The following SMG1 variants were observed in gnomAD, a reference collection of about 807,000 sequenced individuals.
SMG1 encodes serine/threonine-protein kinase SMG1.
In SMG1, 22 loss-of-function variants were observed where a neutral mutation model predicts 419.9. The observed-to-expected ratio is 0.05, with a 90% CI of 0.04 to 0.07. The LOEUF is 0.07. Ranked by LOEUF, SMG1 falls within the 10% of genes least tolerant of loss-of-function variation. The pLI is 1.00. For synonymous variants in SMG1, 1,538 were observed against 1,553.5 expected (o/e 0.99, Z 0.23); for missense variants, 3,185 against 4,342.0 (o/e 0.73, Z 7.49).
chr16:18,812,577 C>CACATATATAT (rs1437030770), intron 60 of SMG1, among the ~76,000 whole-genome samples: 1 of 150,364 alleles, frequency 6.7e-6, no homozygotes, highest in African/African-American at 2.5e-5. Context: ...TATATACACA[C>CACATATATAT]ACATATATAT....
At chr16:18,908,209 T>C (rs1200976140) in intron 1 of SMG1, among the ~76,000 whole-genome samples, 1 of 151,108 alleles carries the variant, frequency 6.6e-6, no homozygotes. Context: ...CTACTAAAAA[T>C]ACAAAAAAAT....
chr16:18,926,000 G>C lies in SMG1; in HGVS notation c.42C>G (p.Gly14=). ...RAPGSRLSSG[G]GGGGTKYPRS... ...GCGGATACTTGGTGCCGCCGCCGCCGCCGCCGCTGCTCAGCCGAGACCCCG... is the reference window on the plus strand; with the variant it reads ...GCGGATACTTGGTGCCGCCGCCGCCCCCGCCGCTGCTCAGCCGAGACCCCG... The change falls in exon 1 of 63, where the codon GGC becomes GGG. Residue 14 remains glycine (G), a synonymous_variant. Transcript: ENST00000446231. The C allele has an allele frequency of 1.3e-6, 2 of 1,579,674 alleles. No homozygotes were observed. The highest frequency in any genetic ancestry group is 1.7e-6 in the Non-Finnish European group (2 of 1,169,808).
At chr16:18,876,595 T>C (rs1216542079) in intron 12 of SMG1, among the ~76,000 whole-genome samples, 2 of 151,784 alleles carry the variant, frequency 1.3e-5, no homozygotes, top group Non-Finnish European at 2.9e-5. Flanking sequence ...ATTTCAAGTC[T>C]ATAAAGTTTT....
chr16:18,870,658 T>G lies in SMG1; in HGVS notation c.2444A>C (p.Gln815Pro). Residue 815 changes from glutamine to proline, a missense_variant, in exon 18 of 63, where the codon CAA becomes CCA. Physicochemically the swap from Gln to Pro is moderately conservative, Grantham distance 76. This residue lies in a region of SMG1 where 297 missense variants were observed against 491.0 expected (regional missense o/e 0.60). Transcript: ENST00000446231. ...QLVHSGTRIR[Q>P]AFGKLLKSIP... ...TGATTTCAACAGTTTTCCAAATGCTTGTCGAATACGAGTTCCACTGTGCAC... is the reference window on the plus strand; with the variant it reads ...TGATTTCAACAGTTTTCCAAATGCTGGTCGAATACGAGTTCCACTGTGCAC... The G allele has an allele frequency of 6.2e-7, 1 of 1,608,278 alleles. No homozygotes were observed. Among genetic ancestry groups the G allele is most frequent in the South Asian group, 1.1e-5 (1 of 90,222 alleles).
rs1045180806 is a variant in SMG1 at position 18,809,245 on chromosome 16, G to A, written c.*324C>T. 5 of 291,098 alleles carry A rather than the reference G, an allele frequency of 1.7e-5. No homozygotes were observed. The highest frequency in any genetic ancestry group is 3.4e-5 in the Non-Finnish European group (5 of 147,928). The allele number at this position is 291,098 out of a possible 1,614,324, so 18.0% of individuals were successfully genotyped here. On this transcript the variant is annotated 3_prime_UTR_variant, in exon 63 of 63. Coordinates refer to ENST00000446231, the MANE Select transcript of SMG1 (RefSeq NM_015092.5). Reference sequence around the variant, plus strand: ...AGTTCCAAATCACTCTGTGCTCCGCGGCATCCCGATTTCTTTCCGCAGCTA... The same window carrying A: ...AGTTCCAAATCACTCTGTGCTCCGCAGCATCCCGATTTCTTTCCGCAGCTA...
At position 18,841,397 on chromosome 16, in the gene SMG1, CAAAAAAA is replaced by C. The variant is rs149043036; in HGVS notation, c.6696+161_6696+167del. 3.8e-5 allele frequency among the ~76,000 whole-genome samples: 4 copies of C among 105,356 alleles called. No individual in the cohort carries two copies. In the East Asian group the frequency reaches 1.3e-3, roughly 35 times the overall value. The allele number at this position is 105,356 out of a possible 152,430, so 69.1% of individuals were successfully genotyped here. A position where few individuals can be genotyped will look rare whatever the true frequency, so the allele number is the denominator to read the frequency against. On this transcript the variant is annotated intron_variant, in intron 41 of 62. Transcript: ENST00000446231. ...TGGGCGACAGAGCAAGACTGTGTCT[CAAAAAAA>C]AAAAAAAAAAAAAAGTACCTCAAAA...
At chr16:18,873,761 T>C (rs1372241429) in intron 13 of SMG1, among the ~76,000 whole-genome samples, 1 of 152,200 alleles carries the variant, frequency 6.6e-6, no homozygotes, top group Non-Finnish European at 1.5e-5. Flanking sequence ...CAAGGTGCCC[T>C]GTTCAATAAG....
chr16:18,870,870 T>C lies in SMG1; in HGVS notation c.2321A>G (p.Asn774Ser), dbSNP rs747916690. The C allele has an allele frequency of 8.9e-6, 14 of 1,567,688 alleles. No homozygotes were observed. Among genetic ancestry groups the C allele is most frequent in the Admixed American group, 7.4e-5 (4 of 54,246 alleles). The change falls in exon 17 of 63, where the codon AAT becomes AGT. Residue 774 changes from asparagine (N) to serine (S), a missense_variant. Coordinates refer to ENST00000446231, the MANE Select transcript of SMG1 (RefSeq NM_015092.5). ...ACTGCTGCATGCCTGCAGACAGATATTCACATCTTCAACGAGAGCTATTAA... is the reference window on the plus strand; with the variant it reads ...ACTGCTGCATGCCTGCAGACAGATACTCACATCTTCAACGAGAGCTATTAA... ...LLANTLVEDV[N>S]ICLQACSSLH...
At chr16:18,912,296 C>T (rs573531958) in intron 1 of SMG1, among the ~76,000 whole-genome samples, 243 of 150,700 alleles carry the variant, frequency 1.6e-3, no homozygotes, top group African/African-American at 5.7e-3. Context: ...TATTTATTTG[C>T]AAAGAGAAGA....
intron 1 of SMG1, among the ~76,000 whole-genome samples, chr16:18,913,606 T>A (rs1439575034): frequency 6.6e-6 from 1 of 152,054 alleles, no homozygotes; most frequent in Admixed American, 6.6e-5. Context: ...AGGCTATTAA[T>A]ATATTAGATG....
At chr16:18,914,945 T>C (rs879388971) in intron 1 of SMG1, among the ~76,000 whole-genome samples, 255 of 150,872 alleles carry the variant, frequency 1.7e-3, no homozygotes, top group Middle Eastern at 0.01. Flanking sequence ...TACCATATTT[T>C]TTTTTTTTTT....
At chr16:18,812,897 C>A (rs2031606288) in intron 60 of SMG1, among the ~76,000 whole-genome samples, 1 of 152,112 alleles carries the variant, frequency 6.6e-6, no homozygotes, top group East Asian at 1.9e-4. Context: ...TCAATTCCCA[C>A]CTATGAGTGA....
chr16:18,907,961 G>A (rs909076509), intron 1 of SMG1, among the ~76,000 whole-genome samples: 1 of 151,738 alleles, frequency 6.6e-6, no homozygotes, highest in African/African-American at 2.4e-5. Context: ...ATTTGGCCTG[G>A]GAAATTGCCA....
At chr16:18,906,938 C>T (rs1486014596) in intron 1 of SMG1, among the ~76,000 whole-genome samples, 1 of 152,238 alleles carries the variant, frequency 6.6e-6, no homozygotes, top group Non-Finnish European at 1.5e-5. Context: ...CAGTTTTGCC[C>T]TGCACACAGG....
In SMG1 at chr16:18,854,769, G is replaced by A. The variant is rs1169169614; in HGVS notation, c.4370C>T (p.Thr1457Ile). ...ATGTTGGACTAAATCCTGTGCAGTGGTGGTCTTTCCCAGCTGAACTTCACT... is the reference window on the plus strand; with the variant it reads ...ATGTTGGACTAAATCCTGTGCAGTGATGGTCTTTCCCAGCTGAACTTCACT... ...QCSEVQLGKTTTAQDLVQHFK... is the reference protein window; with the variant it reads ...QCSEVQLGKTITAQDLVQHFK... Residue 1457 changes from threonine to isoleucine, a missense_variant, in exon 30 of 63, where the codon ACC becomes ATC. Thr to Ile is a moderately conservative substitution (Grantham distance 89). Around this residue, in one of 27 missense-constraint regions of SMG1, gnomAD observed 493 missense variants for 552.9 expected, o/e 0.89. Transcript: ENST00000446231. 2 of 1,613,888 alleles carry A rather than the reference G, an allele frequency of 1.2e-6. No homozygotes were observed. Among genetic ancestry groups the A allele is most frequent in the Non-Finnish European group, 1.7e-6 (2 of 1,179,892 alleles).
chr16:18,905,077 T>C (rs1445078981), intron 1 of SMG1, among the ~76,000 whole-genome samples: 4 of 151,614 alleles, frequency 2.6e-5, no homozygotes, highest in South Asian at 2.1e-4. Context: ...CTGGGCAACA[T>C]AGTGAAACCC....
Position 18,833,027 on chromosome 16 carries a change from G to A in SMG1, c.8705C>T (p.Thr2902Ile), listed in dbSNP as rs772990517. ...EQTTDGVPLQ[T>I]LVESLQAYLR... ...GTAGGCCTGAAGAGATTCCACTAGA[G>A]TCTGCAGGGGAACGCCATCGGTGGT... Residue 2902 changes from threonine (T) to isoleucine (I), a missense_variant, in exon 51 of 63, where the codon ACT becomes ATT. Thr to Ile is a moderately conservative substitution (Grantham distance 89). Around this residue, in one of 27 missense-constraint regions of SMG1, gnomAD observed 737 missense variants for 846.6 expected, o/e 0.87. Coordinates refer to ENST00000446231, the MANE Select transcript of SMG1 (RefSeq NM_015092.5). 13 of 1,613,958 alleles carry A rather than the reference G, an allele frequency of 8.1e-6. No homozygotes were observed. In the Admixed American group the frequency reaches 2.2e-4, roughly 27 times the overall value.
intron 1 of SMG1, among the ~76,000 whole-genome samples, chr16:18,899,554 A>G (rs2037266970): frequency 6.6e-6 from 1 of 152,196 alleles, no homozygotes; most frequent in African/African-American, 2.4e-5. Flanking sequence ...TTTTTATACA[A>G]TCTTGACTAC....
intron 39 of SMG1, among the ~76,000 whole-genome samples, chr16:18,844,623 T>C (rs1399167610): frequency 2.1e-5 from 3 of 143,122 alleles, no homozygotes; most frequent in Non-Finnish European, 4.6e-5. Flanking sequence ...ATAAACTTCA[T>C]CCTTCATGTT....
Sources: allele counts gnomAD v4.1 joint callset (sites outside exome capture counted in the v4.1 genomes callset), GRCh38; gene constraint gnomAD v4.1.1; regional missense constraint gnomAD v4.1.1; transcripts MANE v1.5; gene names NCBI Gene and HGNC (gene_info 2026-07-23, HGNC 2026-07-21).